ISM1: variants seen among roughly 807,000 people sequenced by gnomAD.
ISM1 encodes the protein isthmin 1, also known as isthmin-1.
Under a neutral mutation model 46.3 loss-of-function variants are expected in ISM1, and 25 were observed. That is an observed-to-expected ratio of 0.54 (90% confidence interval 0.39 to 0.75). The LOEUF (loss-of-function observed/expected upper bound fraction) is 0.75, where lower values mean the gene tolerates loss of function less well. Ranked by LOEUF, ISM1 falls within the 30% of genes least tolerant of loss-of-function variation. The pLI, the probability that ISM1 is intolerant of heterozygous loss-of-function variation, is 0.00. For synonymous variants in ISM1, 255 were observed against 256.7 expected (o/e 0.99, Z 0.06); for missense variants, 536 against 625.4 (o/e 0.86, Z 1.52).
intron 1 of ISM1, among the ~76,000 whole-genome samples, chr20:13,236,251 A>C (rs113031094): frequency 0.021 from 3,156 of 152,262 alleles, 48 homozygotes; most frequent in Middle Eastern, 0.031. Context: ...GGACCTGCTC[A>C]GAGTTACAAT....
At chr20:13,302,698 A>C (rs759568074), downstream of ISM1, among the ~76,000 whole-genome samples, 10 of 152,114 alleles carry the variant, frequency 6.6e-5, no homozygotes, top group Non-Finnish European at 8.8e-5. Context: ...TAGCTGCTCA[A>C]ATTTTTCTCT....
the ISM1 span, among the ~76,000 whole-genome samples, chr20:13,319,400 A>G: frequency 1.3e-5 from 2 of 152,200 alleles, no homozygotes; most frequent in African/African-American, 2.4e-5. Context: ...TCAGAGACAC[A>G]GGACCCACTG....
At chr20:13,303,528 T>C (rs1208872160), downstream of ISM1, among the ~76,000 whole-genome samples, 2 of 152,154 alleles carry the variant, frequency 1.3e-5, no homozygotes, top group Admixed American at 1.3e-4. Flanking sequence ...AGGGGCAACA[T>C]AACAGGCACC....
At position 13,288,545 on chromosome 20, in the gene ISM1, A is replaced by C; in HGVS notation, c.649A>C (p.Thr217Pro). ...TCTCCCTGGCTGTCTTCCAGATTCC[A>C]CAGATGGCGAGGGTGACTGGAGTCT... ...ETKDQPEYDSTDGEGDWSLWS... is the reference protein window; with the variant it reads ...ETKDQPEYDSPDGEGDWSLWS... Residue 217 changes from threonine (T) to proline (P), a missense_variant, in exon 4 of 6, where the codon ACA becomes CCA. Thr to Pro is a conservative substitution (Grantham distance 38). Coordinates refer to ENST00000262487, the MANE Select transcript of ISM1 (RefSeq NM_080826.2). 2 of 1,613,674 alleles carry C rather than the reference A, an allele frequency of 1.2e-6. No individual in the cohort carries two copies. The highest frequency in any genetic ancestry group is 1.7e-6 in the Non-Finnish European group (2 of 1,179,714).
intron 1 of ISM1, among the ~76,000 whole-genome samples, chr20:13,268,337 CCTTCTT>C (rs1244640209): frequency 7.0e-6 from 1 of 143,476 alleles, no homozygotes; most frequent in Non-Finnish European, 1.5e-5. Flanking sequence ...TTCTCCTTCT[CCTTCTT>C]CTTCCTCTCT....
intron 4 of ISM1, 43 bp downstream of exon 4, chr20:13,288,726 CTT>C: frequency 1.3e-6 from 2 of 1,558,406 alleles, no homozygotes; most frequent in Non-Finnish European, 1.7e-6. Context: ...AAGGGGAAAG[CTT>C]TTTAATTTAT....
chr20:13,249,027 C>T (rs2039834884), intron 1 of ISM1, among the ~76,000 whole-genome samples: 2 of 152,198 alleles, frequency 1.3e-5, no homozygotes, highest in Middle Eastern at 3.2e-3. Flanking sequence ...GGGCCAAGTT[C>T]AGGCCCCACG....
In ISM1 at chr20:13,300,461, A is replaced by G. The variant is rs1221407210; in HGVS notation, c.*1002A>G. 6.6e-6 allele frequency: 1 copy of G among 152,166 alleles called. No individual in the cohort carries two copies. Among genetic ancestry groups the G allele is most frequent in the East Asian group, 1.9e-4 (1 of 5,186 alleles). 9.4% of individuals were successfully genotyped at this position (152,166 alleles called of 1,614,324 possible). A position where few individuals can be genotyped will look rare whatever the true frequency, so the allele number is the denominator to read the frequency against. On this transcript the variant is annotated 3_prime_UTR_variant, in exon 6 of 6. Coordinates refer to ENST00000262487, the MANE Select transcript of ISM1 (RefSeq NM_080826.2). Reference sequence around the variant, plus strand: ...GAATCTTAGTTTTTTATGTTTTAAGAAAACAAAAAAAACTGCATTATTTTT... The same window carrying G: ...GAATCTTAGTTTTTTATGTTTTAAGGAAACAAAAAAAACTGCATTATTTTT...
the ISM1 span, among the ~76,000 whole-genome samples, chr20:13,322,789 G>A: frequency 1.3e-5 from 2 of 152,104 alleles, no homozygotes; most frequent in Non-Finnish European, 2.9e-5. Context: ...CGAGATCAAA[G>A]CAAGGGGCTT....
chr20:13,241,861 A>T (rs963964531), intron 1 of ISM1, among the ~76,000 whole-genome samples: 5 of 152,256 alleles, frequency 3.3e-5, no homozygotes, highest in African/African-American at 4.8e-5. Flanking sequence ...AACCTACAGA[A>T]GTTGGATCAC....
At chr20:13,291,793 T>G (rs762070376) in intron 4 of ISM1, among the ~76,000 whole-genome samples, 1 of 152,186 alleles carries the variant, frequency 6.6e-6, no homozygotes, top group Non-Finnish European at 1.5e-5. Flanking sequence ...AGACAAAGAA[T>G]GAGCTAGACA....
At chr20:13,296,828 G>T (rs1444626264) in intron 5 of ISM1, among the ~76,000 whole-genome samples, 1 of 152,156 alleles carries the variant, frequency 6.6e-6, no homozygotes, top group Non-Finnish European at 1.5e-5. Context: ...GACCAACCTG[G>T]CCAATGTGGT....
rs370088373 is a variant in ISM1 at position 13,270,608 on chromosome 20, C to A, written c.243C>A (p.Phe81Leu). The change falls in exon 2 of 6, where the codon TTC becomes TTA. Residue 81 changes from phenylalanine to leucine, a missense_variant. Physicochemically the swap from Phe to Leu is conservative, Grantham distance 22 (BLOSUM62 0). Coordinates refer to ENST00000262487, the MANE Select transcript of ISM1 (RefSeq NM_080826.2). ...ACCACCAGGCTGCACACCAACCCTTCCCCAGACCGCGATTCCGACAAGAGA... is the reference window on the plus strand; with the variant it reads ...ACCACCAGGCTGCACACCAACCCTTACCCAGACCGCGATTCCGACAAGAGA... ...HLDHQAAHQP[F>L]PRPRFRQETG... is the part of the protein sequence containing the mutation. 1.2e-6 allele frequency: 2 copies of A among 1,613,852 alleles called. No individual in the cohort carries two copies. The highest frequency in any genetic ancestry group is 1.7e-6 in the Non-Finnish European group (2 of 1,179,882).
intron 1 of ISM1, 46 bp downstream of exon 1, chr20:13,221,960 T>G: frequency 7.7e-7 from 1 of 1,301,824 alleles, no homozygotes; most frequent in Non-Finnish European, 9.7e-7. Context: ...CGGGGACGGT[T>G]TGTGGGGCGG....
At chr20:13,240,756 C>T (rs979842750) in intron 1 of ISM1, among the ~76,000 whole-genome samples, 27 of 152,042 alleles carry the variant, frequency 1.8e-4, no homozygotes, top group African/African-American at 6.5e-4. Context: ...GGATGTGGAC[C>T]AGGGTAGAGA....
chr20:13,293,847 G>A (rs146657409), intron 5 of ISM1, among the ~76,000 whole-genome samples: 3,359 of 152,000 alleles, frequency 0.022, 113 homozygotes, highest in African/African-American at 0.077. Context: ...GGTGGCAGGC[G>A]CCTGTAATCC....
Position 13,221,900 on chromosome 20 carries a change from C to G in ISM1, c.124C>G (p.Gln42Glu), listed in dbSNP as rs1026137062. 2.2e-6 allele frequency: 3 copies of G among 1,378,028 alleles called. No individual in the cohort carries two copies. The highest frequency in any genetic ancestry group is 2.8e-6 in the Non-Finnish European group (3 of 1,073,120). The allele number at this position is 1,378,028 out of a possible 1,614,324, so 85.4% of individuals were successfully genotyped here. A position where few individuals can be genotyped will look rare whatever the true frequency, so the allele number is the denominator to read the frequency against. ...GPDAAAGNAS[Q>E]AQLQNNLNVG... Reference sequence around the variant, plus strand: ...CGACGCGGCCGCGGGCAACGCCAGCCAAGCCCAGCTGCAGGTGAGTGCGCC... The same window carrying G: ...CGACGCGGCCGCGGGCAACGCCAGCGAAGCCCAGCTGCAGGTGAGTGCGCC... Residue 42 changes from glutamine (Q) to glutamate (E), a missense_variant, in exon 1 of 6, where the codon CAA becomes GAA. Gln to Glu is a conservative substitution (Grantham distance 29). Transcript: ENST00000262487.
chr20:13,268,543 A>T (rs1020634158), intron 1 of ISM1, among the ~76,000 whole-genome samples: 5 of 152,176 alleles, frequency 3.3e-5, no homozygotes, highest in Non-Finnish European at 5.9e-5. Context: ...GTGAACAAAG[A>T]CACTGCCCCC....
At chr20:13,256,702 G>C (rs2039933377) in intron 1 of ISM1, among the ~76,000 whole-genome samples, 1 of 152,186 alleles carries the variant, frequency 6.6e-6, no homozygotes, top group Non-Finnish European at 1.5e-5. Flanking sequence ...TGTTGGAAGA[G>C]GTATTCACTC....
Sources: allele counts gnomAD v4.1 joint callset (sites outside exome capture counted in the v4.1 genomes callset), GRCh38; gene constraint gnomAD v4.1.1; transcripts MANE v1.5; gene names NCBI Gene and HGNC (gene_info 2026-07-23, HGNC 2026-07-21).